Variants in CIT observed in about 807,000 individuals in gnomAD.
CIT encodes citron Rho-interacting kinase.
In CIT, 79 loss-of-function variants were observed where a neutral mutation model predicts 272.7. That is an observed-to-expected ratio of 0.29 (90% CI 0.24 to 0.35). The LOEUF (loss-of-function observed/expected upper bound fraction) is 0.35. CIT is among the 10% of genes least tolerant of loss of function. The probability of loss-of-function intolerance (pLI) is 1.00; values close to 1 mark genes in which losing one functional copy is unlikely to be tolerated. For missense variants in CIT, 1,909 were observed against 2,618.3 expected (o/e 0.73, Z 5.91); for synonymous variants, 948 against 995.6 (o/e 0.95, Z 0.90).
chr12:119,849,029 A>AGAAAC (rs1353494287), intron 5 of CIT, among the ~76,000 whole-genome samples: 1 of 152,012 alleles, frequency 6.6e-6, no homozygotes, highest in Non-Finnish European at 1.5e-5. Context: ...AGAAAAGAAA[A>AGAAAC]GAAACATCCC....
chr12:119,821,902 T>C (rs1967755746), intron 9 of CIT, among the ~76,000 whole-genome samples: 1 of 152,122 alleles, frequency 6.6e-6, no homozygotes. Flanking sequence ...CAGCAGAAGG[T>C]TAGAGAAACC....
At chr12:119,849,754 C>T (rs1322887361) in intron 5 of CIT, among the ~76,000 whole-genome samples, 1 of 150,590 alleles carries the variant, frequency 6.6e-6, no homozygotes. Flanking sequence ...GGCGCAATCT[C>T]GGCTCACTGC....
In CIT at chr12:119,825,246, A is replaced by G. The variant is rs1004206159; in HGVS notation, c.876T>C (p.Ile292=). The G allele has an allele frequency of 1.9e-6, 3 of 1,614,090 alleles. No homozygotes were observed. Among genetic ancestry groups the G allele is most frequent in the Non-Finnish European group, 2.5e-6 (3 of 1,180,042 alleles). ...ATCTCCCATAAATCATCTCATAGGCAATCACGCCCACTGACCACCAGTCAC... is the reference window on the plus strand; with the variant it reads ...ATCTCCCATAAATCATCTCATAGGCGATCACGCCCACTGACCACCAGTCAC... ...LDCDWWSVGV[I]AYEMIYGRSP... Residue 292 remains isoleucine, a synonymous_variant, in exon 8 of 48, where the codon ATT becomes ATC. Transcript: ENST00000392521.
intron 30 of CIT, 147 bp downstream of exon 30, chr12:119,720,331 T>G (rs1736497435): frequency 3.3e-6 from 2 of 614,740 alleles, no homozygotes; most frequent in Non-Finnish European, 5.6e-6. Flanking sequence ...TATCTCAAAA[T>G]CTATTTTTCA....
At chr12:119,850,062 A>G (rs555528759) in intron 5 of CIT, 112 bp downstream of exon 5, 151 of 775,206 alleles carry the variant, frequency 1.9e-4, no homozygotes, top group South Asian at 7.7e-4. Context: ...TAAGGTAAGA[A>G]AGTCTTTGCA....
At chr12:119,715,020 G>A (rs1957377955) in intron 32 of CIT, among the ~76,000 whole-genome samples, 2 of 152,328 alleles carry the variant, frequency 1.3e-5, no homozygotes, top group Middle Eastern at 6.8e-3. Flanking sequence ...TGTTGGGAGG[G>A]ACTTGGTGGG....
intron 5 of CIT, among the ~76,000 whole-genome samples, chr12:119,840,607 A>G (rs968128792): frequency 6.6e-6 from 1 of 152,256 alleles, no homozygotes; most frequent in Non-Finnish European, 1.5e-5. Flanking sequence ...CGATAAGAAA[A>G]TTGAAGCGGA....
At chr12:119,806,494 A>C (rs1177508930) in intron 9 of CIT, among the ~76,000 whole-genome samples, 1 of 152,166 alleles carries the variant, frequency 6.6e-6, no homozygotes, top group Non-Finnish European at 1.5e-5. Context: ...ATCCTGTTAC[A>C]ATTCAAGAAA....
At chr12:119,868,125 G>A (rs1456110610) in intron 3 of CIT, among the ~76,000 whole-genome samples, 3 of 151,944 alleles carry the variant, frequency 2.0e-5, no homozygotes, top group African/African-American at 7.3e-5. Flanking sequence ...CCAGCCACTG[G>A]GGTGGAAGGA....
chr12:119,824,984 T>C (rs1175231003), intron 8 of CIT, among the ~76,000 whole-genome samples, 181 bp downstream of exon 8: 1 of 152,148 alleles, frequency 6.6e-6, no homozygotes, highest in East Asian at 1.9e-4. Flanking sequence ...TATTTTTTAG[T>C]AGAGATGGGG....
chr12:119,709,785 AGAGTGTGTGTGTGTGTGTGTGTGT>A (rs1481990171), intron 39 of CIT, among the ~76,000 whole-genome samples: 6 of 52,442 alleles, frequency 1.1e-4, no homozygotes, highest in African/African-American at 2.1e-4. Flanking sequence ...AGAGAGAGAG[AGAGTGTGTGTGTGTGTGTGTGTGT>A]GTGTGTGTGT....
chr12:119,690,970 G>A lies in CIT; in HGVS notation c.5883-516C>T, dbSNP rs1376797063. ...AGGTAGATCACGAGGTCAGGAGATC[G>A]AGGCCAGCCTGGCCAACATGGTGAA... is the stretch of plus-strand genomic sequence containing the variant. On this transcript the variant is annotated intron_variant, in intron 46 of 47. Transcript: ENST00000392521. The surrounding 1 kb of genome is among the most constrained non-coding windows in gnomAD (Gnocchi z 6.0). Among the ~76,000 whole-genome samples the A allele has an allele frequency of 3.3e-5, 5 of 152,088 alleles. No individual in the cohort carries two copies. The highest frequency in any genetic ancestry group is 6.5e-5 in the Admixed American group (1 of 15,284).
chr12:119,721,664 G>A (rs1482156677), intron 28 of CIT, among the ~76,000 whole-genome samples: 1 of 152,158 alleles, frequency 6.6e-6, no homozygotes, highest in Non-Finnish European at 1.5e-5. Context: ...CAACAAGTCC[G>A]AGGATCCCTA....
intron 10 of CIT, among the ~76,000 whole-genome samples, chr12:119,786,379 C>T (rs1964800502): frequency 6.6e-6 from 1 of 152,206 alleles, no homozygotes; most frequent in African/African-American, 2.4e-5. Context: ...GTAACTCATG[C>T]ACTGTGCCCA....
chr12:119,712,788 A>G lies in CIT; in HGVS notation c.4580-93T>C. On this transcript the variant is annotated intron_variant, in intron 35 of 47. Transcript: ENST00000392521. The surrounding 1 kb of genome is among the most constrained non-coding windows in gnomAD (Gnocchi z 5.2). The stretch of plus-strand genomic sequence containing the variant: ...GAGCGAGAGAGACAGCAAGGGAGAG[A>G]GAGACAGGGTACGTGTGTAAAGAGA... The G allele has an allele frequency of 2.0e-6, 2 of 1,025,050 alleles. No homozygotes were observed. Among genetic ancestry groups the G allele is most frequent in the Non-Finnish European group, 3.0e-6 (2 of 664,482 alleles). 63.5% of individuals were successfully genotyped at this position (1,025,050 alleles called of 1,614,324 possible).
In CIT at chr12:119,784,162, C is replaced by T; in HGVS notation, c.1402-111G>A. 6.2e-7 allele frequency: 1 copy of T among 1,610,958 alleles called. No homozygotes were observed. The highest frequency in any genetic ancestry group is 2.2e-5 in the East Asian group (1 of 44,744). The stretch of plus-strand genomic sequence containing the variant: ...GGTGGTCTGGGCTAAGGCTAATTCG[C>T]CAAAAGTTAAGTTGGGATGGAAATA... On this transcript the variant is annotated intron_variant, in intron 11 of 47. Coordinates refer to ENST00000392521, the MANE Select transcript of CIT (RefSeq NM_001206999.2). The surrounding 1 kb of genome is among the most constrained non-coding windows in gnomAD (Gnocchi z 4.7).
At position 119,749,061 on chromosome 12, in the gene CIT, G is replaced by A. The variant is rs188119704; in HGVS notation, c.2904+2989C>T. Reference sequence around the variant, plus strand: ...TGACAGGATGGGTGAAGTGAAAGTGGAGAAGAGGCAAGCATTAGAAACGGC... The same window carrying A: ...TGACAGGATGGGTGAAGTGAAAGTGAAGAAGAGGCAAGCATTAGAAACGGC... On this transcript the variant is annotated intron_variant, in intron 23 of 47. Transcript: ENST00000392521. 4.0e-3 allele frequency among the ~76,000 whole-genome samples: 602 copies of A among 152,306 alleles called. 3 individuals carry two copies. Among genetic ancestry groups the A allele is most frequent in the African/African-American group, 0.014 (581 of 41,560 alleles).
At chr12:119,838,320 G>A (rs528198359) in intron 5 of CIT, among the ~76,000 whole-genome samples, 23 of 152,232 alleles carry the variant, frequency 1.5e-4, no homozygotes, top group South Asian at 6.2e-4. Flanking sequence ...TGATCCACCC[G>A]CCTCGGTCTC....
At chr12:119,838,734 TCAAGA>T (rs2138162977) in intron 5 of CIT, among the ~76,000 whole-genome samples, 1 of 152,286 alleles carries the variant, frequency 6.6e-6, no homozygotes, top group South Asian at 2.1e-4. Context: ...TTTCTGCATA[TCAAGA>T]CAAGATCACT....
Sources: gnomAD v4.1 joint callset for allele counts (sites outside exome capture counted in the v4.1 genomes callset) on GRCh38, gnomAD v4.1.1 for gene constraint, Gnocchi (gnomAD v3.1) non-coding constraint, MANE v1.5 for transcripts, NCBI Gene and HGNC (gene_info 2026-07-23, HGNC 2026-07-21) for gene names.